The following C12orf57 variants were observed in gnomAD, a reference collection of about 807,000 sequenced individuals.
C12orf57 encodes protein C10.
Under a neutral mutation model 11.3 loss-of-function variants are expected in C12orf57, and 14 were observed. The observed-to-expected ratio is 1.24, with a 90% CI of 0.82 to 1.94. The LOEUF (loss-of-function observed/expected upper bound fraction) is 1.94, where lower values mean the gene tolerates loss of function less well. C12orf57 is among the 30% of genes most tolerant of loss of function. C12orf57 has a pLI of 0.00. For synonymous variants in C12orf57, 100 were observed against 74.6 expected, an observed-to-expected ratio of 1.34 and a Z score of -1.76; for missense variants, 229 against 172.4, an observed-to-expected ratio of 1.33 and a Z score of -1.84.
chr12:6,945,886 T>G lies in C12orf57; in HGVS notation c.345T>G (p.His115Gln). The change falls in exon 3 of 3, where the codon CAT becomes CAG. Residue 115 changes from histidine (H) to glutamine (Q), a missense_variant. His to Gln is a conservative substitution (Grantham distance 24, BLOSUM62 0). Transcript: ENST00000229281. ...LFLPPMTLPP[H>Q]GPAAGGSVAA... ...TGCCGCCCATGACCCTGCCACCCCA[T>G]GGGCCTGCTGCTGGTGGCAGCGTGG... 1 of 1,613,500 alleles carries G rather than the reference T, an allele frequency of 6.2e-7. No homozygotes were observed. Among genetic ancestry groups the G allele is most frequent in the Non-Finnish European group, 8.5e-7 (1 of 1,179,904 alleles).
chr12:6,944,796 T>C, intron 2 of C12orf57, 144 bp downstream of exon 2: 1 of 1,505,404 alleles, frequency 6.6e-7, no homozygotes, highest in South Asian at 1.3e-5. Flanking sequence ...TTCTTGGCAC[T>C]CAGAGCCCAG....
At chr12:6,943,907 TGTTTTCACTGTGCAAAAATTATGGGTA>T, upstream of C12orf57, 1 of 1,167,746 alleles carries the variant, frequency 8.6e-7, no homozygotes. Flanking sequence ...AATGATAGAT[TGTTTTCACTGTGCAAAAATTATGGGTA>T]GTTTTGGTGG....
At chr12:6,943,468 C>G, upstream of C12orf57, 2 of 1,241,740 alleles carry the variant, frequency 1.6e-6, no homozygotes, top group Non-Finnish European at 2.1e-6. Context: ...TAGGCTCCAT[C>G]GCTCATCAAT....
intron 1 of C12orf57, 100 bp from the exon 2 acceptor site, chr12:6,944,376 A>G (rs782624663): frequency 2.6e-6 from 4 of 1,556,890 alleles, no homozygotes; most frequent in South Asian, 2.3e-5. Context: ...TGGGTTACCT[A>G]CAGCCTCAAT....
At position 6,944,423 on chromosome 12, in the gene C12orf57, CT is replaced by C. The variant is rs1565574622; in HGVS notation, c.53-52del. On this transcript the variant is annotated intron_variant, in intron 1 of 2. Transcript: ENST00000229281. ...TTGCGCTCTCCGCTGGGCCCGCTGT[CT>C]GTTCTCCGACGCCTACCCGGGACGC... 5.7e-6 allele frequency: 9 copies of C among 1,587,578 alleles called. No homozygotes were observed. In the East Asian group the frequency reaches 2.1e-4, roughly 37 times the overall value.
upstream of C12orf57, chr12:6,943,914 A>G (rs761234400): frequency 2.5e-4 from 309 of 1,230,188 alleles, no homozygotes; most frequent in East Asian, 6.4e-4. Context: ...GATTGTTTTC[A>G]CTGTGCAAAA....
At chr12:6,943,766 C>G (rs1945688098), upstream of C12orf57, 2 of 1,081,234 alleles carry the variant, frequency 1.8e-6, no homozygotes, top group Non-Finnish European at 1.2e-6. Flanking sequence ...TCACCCTCAT[C>G]AATTGTGGAG....
intron 2 of C12orf57, chr12:6,944,961 C>T (rs1213879001): frequency 6.1e-6 from 6 of 987,668 alleles, no homozygotes; most frequent in South Asian, 2.4e-5. Context: ...GGACCTAAAT[C>T]TGAACACGAA....
In C12orf57 at chr12:6,944,929, T is replaced by C. The variant is rs782294543; in HGVS notation, c.229+277T>C. ...TTTCAGATTTCGGAATATTTACATA[T>C]ACATGGATATCTTGGGGGATGGGAC... On this transcript the variant is annotated intron_variant, in intron 2 of 2. Transcript: ENST00000229281. 6.2e-5 allele frequency: 79 copies of C among 1,269,408 alleles called. No homozygotes were observed. The African/African-American group carries it at 1.1e-3, about 17-fold the overall frequency. The allele number at this position is 1,269,408 out of a possible 1,614,324, so 78.6% of individuals were successfully genotyped here. A position where few individuals can be genotyped will look rare whatever the true frequency, so the allele number is the denominator to read the frequency against.
At chr12:6,945,526 C>T (rs1324856882) in intron 2 of C12orf57, among the ~76,000 whole-genome samples, 3 of 152,154 alleles carry the variant, frequency 2.0e-5, no homozygotes, top group African/African-American at 7.2e-5. Flanking sequence ...TAAAATGGTT[C>T]ACCTGAGAGC....
chr12:6,943,905 A>C (rs772472229), upstream of C12orf57: 4 of 1,155,076 alleles, frequency 3.5e-6, no homozygotes, highest in African/African-American at 6.3e-5. Flanking sequence ...CCAATGATAG[A>C]TTGTTTTCAC....
chr12:6,943,904 G>T (rs782695534), upstream of C12orf57: 3 of 1,146,518 alleles, frequency 2.6e-6, no homozygotes, highest in Non-Finnish European at 2.4e-6. Context: ...GCCAATGATA[G>T]ATTGTTTTCA....
upstream of C12orf57, chr12:6,943,622 T>C (rs782161150): frequency 7.8e-6 from 10 of 1,289,478 alleles, no homozygotes; most frequent in African/African-American, 7.6e-5. Context: ...TTGCATGGGC[T>C]GAGAACAAAT....
chr12:6,944,444 G>T, intron 1 of C12orf57, 32 bp from the exon 2 acceptor site: 1 of 1,603,482 alleles, frequency 6.2e-7, no homozygotes, highest in Non-Finnish European at 8.5e-7. Context: ...CGCCTACCCG[G>T]GACGCCTCCC....
intron 2 of C12orf57, chr12:6,945,193 T>C: frequency 5.1e-6 from 1 of 195,430 alleles, no homozygotes; most frequent in Non-Finnish European, 1.1e-5. Flanking sequence ...ATGGTCAACC[T>C]GTACTGTTAA....
upstream of C12orf57, chr12:6,943,920 C>A (rs782063230): frequency 1.4e-5 from 18 of 1,288,262 alleles, no homozygotes; most frequent in East Asian, 2.5e-5. Flanking sequence ...TTTCACTGTG[C>A]AAAAATTATG....
At position 6,945,942 on chromosome 12, in the gene C12orf57, C is replaced by T. The variant is rs782672649; in HGVS notation, c.*20C>T. On this transcript the variant is annotated 3_prime_UTR_variant, in exon 3 of 3. Transcript: ENST00000229281. ...TCCTGAGAGTTGGCCCTCCCTTGTG[C>T]CACTGCCAGGGGAGGAAAGGCCTTG... 5 of 1,604,240 alleles carry T rather than the reference C, an allele frequency of 3.1e-6. No individual in the cohort carries two copies. In the African/African-American group the frequency reaches 4.0e-5, roughly 13 times the overall value.
At chr12:6,943,920 C>G (rs782063230), upstream of C12orf57, 41 of 1,288,382 alleles carry the variant, frequency 3.2e-5, no homozygotes, top group Middle Eastern at 5.0e-4. Flanking sequence ...TTTCACTGTG[C>G]AAAAATTATG....
upstream of C12orf57, chr12:6,943,524 CT>C (rs1565572130): frequency 7.8e-7 from 1 of 1,285,594 alleles, no homozygotes; most frequent in Admixed American, 2.4e-5. Flanking sequence ...TGCTCTGGGC[CT>C]TTACTGCCGA....
Sources: gnomAD v4.1 joint callset for allele counts (sites outside exome capture counted in the v4.1 genomes callset) on GRCh38, gnomAD v4.1.1 for gene constraint, MANE v1.5 for transcripts, NCBI Gene and HGNC (gene_info 2026-07-23, HGNC 2026-07-21) for gene names.